RESF1: variants seen among roughly 807,000 people sequenced by gnomAD.
The protein encoded by RESF1 is retroelement silencing factor 1, also known as gonad expressed transcript.
Under a neutral mutation model 134.7 loss-of-function variants are expected in RESF1, and 65 were observed. That is an observed-to-expected ratio of 0.48 (90% CI 0.40 to 0.59). The LOEUF is 0.59. Ranked by LOEUF, RESF1 falls within the 20% of genes least tolerant of loss-of-function variation. RESF1 has a pLI of 0.00. For synonymous variants in RESF1, 762 were observed against 702.2 expected, an observed-to-expected ratio of 1.09 and a Z score of -1.35; for missense variants, 2,274 against 2,002.7, an observed-to-expected ratio of 1.14 and a Z score of -2.59.
intron 2 of RESF1, among the ~76,000 whole-genome samples, chr12:31,962,220 T>TAA (rs33954876): frequency 0.1 from 13,252 of 132,502 alleles, 694 homozygotes; most frequent in East Asian, 0.22. Flanking sequence ...TCTGTCTTTT[T>TAA]AAAAAAAAAA....
Position 31,982,969 on chromosome 12 carries a change from G to A in RESF1, c.2014G>A (p.Val672Met). The stretch of plus-strand genomic sequence containing the variant: ...AAGTGACAGTAGCTGTTCCATGGAA[G>A]TGCTAGCAACCTGTCTTTCCCTGTG... ...AKSDSSCSME[V>M]LATCLSLWKK... Residue 672 changes from valine (V) to methionine (M), a missense_variant, in exon 4 of 6, where the codon GTG becomes ATG. Transcript: ENST00000312561. The A allele has an allele frequency of 2.5e-6, 4 of 1,614,102 alleles. No homozygotes were observed. In the South Asian group the frequency reaches 4.4e-5, roughly 18 times the overall value.
Position 31,988,073 on chromosome 12 carries a change from G to A in RESF1, c.5086+751G>A, listed in dbSNP as rs529880702. Among the ~76,000 whole-genome samples, 4 of 152,192 alleles carry A rather than the reference G, an allele frequency of 2.6e-5. No individual in the cohort carries two copies. The South Asian group carries it at 8.3e-4, about 32-fold the overall frequency. On this transcript the variant is annotated intron_variant, in intron 5 of 5. Coordinates refer to ENST00000312561, the MANE Select transcript of RESF1 (RefSeq NM_018169.4). ...TATCTACCAAAATAGGCAGCAGGCTGGACTTAGTTTGCCAGACCCTGGATT... is the reference window on the plus strand; with the variant it reads ...TATCTACCAAAATAGGCAGCAGGCTAGACTTAGTTTGCCAGACCCTGGATT...
At chr12:31,992,181 C>T (rs976739125) in intron 5 of RESF1, among the ~76,000 whole-genome samples, 197 bp from the exon 6 acceptor site, 3 of 152,080 alleles carry the variant, frequency 2.0e-5, no homozygotes, top group African/African-American at 7.2e-5. Context: ...GAAAACAGCC[C>T]CCAAAAGAAA....
intron 3 of RESF1, among the ~76,000 whole-genome samples, chr12:31,970,675 G>T (rs1337057641): frequency 1.3e-5 from 2 of 152,086 alleles, no homozygotes; most frequent in African/African-American, 4.8e-5. Flanking sequence ...TCCTCAAATG[G>T]GTATACTGAT....
At chr12:31,988,025 G>A (rs1940012906) in intron 5 of RESF1, among the ~76,000 whole-genome samples, 2 of 152,260 alleles carry the variant, frequency 1.3e-5, no homozygotes, top group South Asian at 2.1e-4. Flanking sequence ...ATGAGACACC[G>A]TGCCTGGCCT....
chr12:31,968,535 G>A (rs1328640098), intron 2 of RESF1, among the ~76,000 whole-genome samples: 3 of 150,200 alleles, frequency 2.0e-5, no homozygotes, highest in Non-Finnish European at 2.9e-5. Flanking sequence ...TGCAAGCTCC[G>A]CCTCTTGGGT....
At position 31,981,979 on chromosome 12, in the gene RESF1, G is replaced by A. The variant is rs1310541826; in HGVS notation, c.1024G>A (p.Val342Ile). ...AATTGGAAATTTCACTAACTTGAAA[G>A]TAAATACCAACAGCAAACAGCCTTT... ...STIGNFTNLKVNTNSKQPFNS... is the reference protein window; with the variant it reads ...STIGNFTNLKINTNSKQPFNS... The change falls in exon 4 of 6, where the codon GTA (valine) becomes ATA (isoleucine). Residue 342 changes from valine (V) to isoleucine (I), a missense_variant. By Grantham distance (29) the Val-to-Ile change is conservative. Coordinates refer to ENST00000312561, the MANE Select transcript of RESF1 (RefSeq NM_018169.4). 6.2e-7 allele frequency: 1 copy of A among 1,614,066 alleles called. No homozygotes were observed. The highest frequency in any genetic ancestry group is 8.5e-7 in the Non-Finnish European group (1 of 1,180,018).
intron 2 of RESF1, among the ~76,000 whole-genome samples, chr12:31,963,841 C>T (rs191781562): frequency 6.6e-6 from 1 of 152,292 alleles, no homozygotes; most frequent in East Asian, 1.9e-4. Flanking sequence ...TTTCAAGGCT[C>T]ATTTATGTTA....
chr12:31,966,020 C>CT (rs1350465290), intron 2 of RESF1, among the ~76,000 whole-genome samples: 2 of 152,172 alleles, frequency 1.3e-5, no homozygotes, highest in African/African-American at 4.8e-5. Context: ...CTTGTCAGCG[C>CT]TTTTCAGATA....
rs1939768816 is a variant in RESF1 at position 31,980,994 on chromosome 12, A to G, written c.39A>G (p.Pro13=). 6.2e-7 allele frequency: 1 copy of G among 1,612,832 alleles called. No homozygotes were observed. The highest frequency in any genetic ancestry group is 1.3e-5 in the African/African-American group (1 of 74,842). Residue 13 remains proline (P), a synonymous_variant, in exon 4 of 6, where the codon CCA becomes CCG. Transcript: ENST00000312561. ...WNEKPKSATL[P]PLYPKSQPPF... ...AAAAACCAAAGAGTGCTACATTACC[A>G]CCACTGTATCCTAAAAGCCAGCCAC...
At position 31,989,997 on chromosome 12, in the gene RESF1, C is replaced by T. The variant is rs142161192; in HGVS notation, c.5087-2381C>T. Among the ~76,000 whole-genome samples the T allele has an allele frequency of 2.1e-3, 316 of 152,160 alleles. 2 individuals carry two copies. Among genetic ancestry groups the T allele is most frequent in the African/African-American group, 7.1e-3 (293 of 41,522 alleles). On this transcript the variant is annotated intron_variant, in intron 5 of 5. Transcript: ENST00000312561. The stretch of plus-strand genomic sequence containing the variant: ...AGGCCTGACAGTGGGAAAACAATGC[C>T]TCTCGGGTTGGAAGGCAGAAAGCCA...
At chr12:31,960,237 T>C (rs1939230047) in intron 1 of RESF1, among the ~76,000 whole-genome samples, 1 of 152,168 alleles carries the variant, frequency 6.6e-6, no homozygotes, top group South Asian at 2.1e-4. Flanking sequence ...CGGGGAATCA[T>C]TTCCGTGAAA....
At position 31,971,331 on chromosome 12, in the gene RESF1, G is replaced by A. The variant is rs545981033; in HGVS notation, c.-79+975G>A. On this transcript the variant is annotated intron_variant, in intron 3 of 5. Coordinates refer to ENST00000312561, the MANE Select transcript of RESF1 (RefSeq NM_018169.4). The stretch of plus-strand genomic sequence containing the variant: ...CTAATTTTTTGTATTTGGTGGAGAC[G>A]GGGTTTCACCAGGTTGGTCAGGCTG... Among the ~76,000 whole-genome samples, 11 of 152,222 alleles carry A rather than the reference G, an allele frequency of 7.2e-5. No homozygotes were observed. The East Asian group carries it at 1.4e-3, about 19-fold the overall frequency.
In RESF1 at chr12:31,984,127, C is replaced by A; in HGVS notation, c.3172C>A (p.Leu1058Ile). The A allele has an allele frequency of 6.2e-7, 1 of 1,612,676 alleles. No individual in the cohort carries two copies. Among genetic ancestry groups the A allele is most frequent in the Non-Finnish European group, 8.5e-7 (1 of 1,179,592 alleles). Residue 1058 changes from leucine (L) to isoleucine (I), a missense_variant, in exon 4 of 6, where the codon CTT becomes ATT. Coordinates refer to ENST00000312561, the MANE Select transcript of RESF1 (RefSeq NM_018169.4). ...ATACCTACATGACCAGCTGTCAGAACTTCTAAAAGAGTTTCCTTATGGCAT... is the reference window on the plus strand; with the variant it reads ...ATACCTACATGACCAGCTGTCAGAAATTCTAAAAGAGTTTCCTTATGGCAT... ...VLYLHDQLSE[L>I]LKEFPYGIEA...
intron 2 of RESF1, among the ~76,000 whole-genome samples, chr12:31,962,020 C>T (rs896043759): frequency 1.3e-5 from 2 of 152,070 alleles, no homozygotes; most frequent in Admixed American, 6.5e-5. Flanking sequence ...GCCAGGAGTT[C>T]GAGACCAGCC....
intron 4 of RESF1, 98 bp from the exon 5 acceptor site, chr12:31,987,141 T>G: frequency 2.9e-6 from 2 of 691,152 alleles, no homozygotes; most frequent in Non-Finnish European, 5.0e-6. Flanking sequence ...TCTAGGGCCT[T>G]TCAAAATCTA....
intron 3 of RESF1, 134 bp from the exon 4 acceptor site, chr12:31,980,744 T>A: frequency 4.1e-6 from 2 of 482,098 alleles, no homozygotes; most frequent in Non-Finnish European, 3.6e-6. Flanking sequence ...CCTCTATTGC[T>A]CCTCTTCTTC....
intron 1 of RESF1, among the ~76,000 whole-genome samples, chr12:31,960,502 T>C (rs1016779218): frequency 1.1e-4 from 16 of 152,336 alleles, no homozygotes; most frequent in African/African-American, 3.6e-4. Context: ...ATTAATCCAA[T>C]AAAGACAAGT....
Position 31,983,364 on chromosome 12 carries a change from A to G in RESF1, c.2409A>G (p.Gln803=), listed in dbSNP as rs558126712. The G allele has an allele frequency of 3.0e-4, 479 of 1,614,074 alleles. 7 individuals are homozygous for G. The South Asian group carries it at 5.0e-3, about 17-fold the overall frequency. The change falls in exon 4 of 6, where the codon CAA becomes CAG. Residue 803 remains glutamine (Q), a synonymous_variant. Coordinates refer to ENST00000312561, the MANE Select transcript of RESF1 (RefSeq NM_018169.4). Reference sequence around the variant, plus strand: ...GCAGTGTTTGTAGTTTACAAAATCAATTGGCAGAAAATGCAAAGGCAACTG... The same window carrying G: ...GCAGTGTTTGTAGTTTACAAAATCAGTTGGCAGAAAATGCAAAGGCAACTG... ...KEGSVCSLQN[Q]LAENAKATAA...
Sources: allele counts gnomAD v4.1 joint callset (sites outside exome capture counted in the v4.1 genomes callset), GRCh38; gene constraint gnomAD v4.1.1; transcripts MANE v1.5; gene names NCBI Gene and HGNC (gene_info 2026-07-23, HGNC 2026-07-21).